GAS6: variants seen among roughly 807,000 people sequenced by gnomAD.
GAS6 encodes growth arrest specific 6, also known as growth arrest-specific protein 6.
A neutral mutation model predicts 75.8 loss-of-function variants in GAS6; 41 were observed. That is an observed-to-expected ratio of 0.54 (90% CI 0.42 to 0.70). The LOEUF is 0.70. Ranked by LOEUF, GAS6 falls within the 30% of genes least tolerant of loss-of-function variation. The pLI is 0.00. For missense variants in GAS6, 854 were observed against 940.2 expected (o/e 0.91, Z 1.20); for synonymous variants, 432 against 412.6 (o/e 1.05, Z -0.57).
In GAS6 at chr13:113,843,108, C is replaced by T. The variant is rs143235270; in HGVS notation, c.344-3258G>A. 178 of 356,634 alleles carry T rather than the reference C, an allele frequency of 5.0e-4. No individual in the cohort carries two copies. The East Asian group carries it at 6.6e-3, about 13-fold the overall frequency. The allele number at this position is 356,634 out of a possible 1,614,324, so 22.1% of individuals were successfully genotyped here. On this transcript the variant is annotated intron_variant, in intron 4 of 14. Coordinates refer to ENST00000327773, the MANE Select transcript of GAS6 (RefSeq NM_000820.4). ...AATTTCCTCCACACAACAGGGAAAG[C>T]GATGGAGACAGAAACCTCTGCAGGC...
chr13:113,862,020 G>A (rs2051975763), intron 2 of GAS6, among the ~76,000 whole-genome samples: 2 of 152,304 alleles, frequency 1.3e-5, no homozygotes, highest in Non-Finnish European at 2.9e-5. Context: ...TGACGCAACC[G>A]CAGTTGTATT....
At chr13:113,847,949 A>G (rs41303039) in intron 3 of GAS6, 77 bp downstream of exon 3, 14 of 1,298,940 alleles carry the variant, frequency 1.1e-5, no homozygotes, top group Non-Finnish European at 1.6e-5. Flanking sequence ...CGTGGTGAGG[A>G]GATTCCTCCA....
Position 113,863,584 on chromosome 13 carries a change from G to A in GAS6, c.246C>T (p.Asp82=). 6.6e-7 allele frequency: 1 copy of A among 1,515,274 alleles called. No individual in the cohort carries two copies. The highest frequency in any genetic ancestry group is 1.2e-5 in the South Asian group (1 of 81,922). 93.9% of individuals were successfully genotyped at this position (1,515,274 alleles called of 1,614,324 possible). The part of the protein sequence containing the change: ...REEAREVFEN[D]PETDYFYPRY... The stretch of plus-strand genomic sequence containing the variant: ...CCCGCCGGCTGCTCACCGTCTCGGG[G>A]TCGTTCTCGAACACCTCCCGCGCCT... Residue 82 remains aspartate (D), a synonymous_variant, in exon 2 of 15, where the codon GAC becomes GAT. Coordinates refer to ENST00000327773, the MANE Select transcript of GAS6 (RefSeq NM_000820.4). The surrounding 1 kb of genome is among the most constrained non-coding windows in gnomAD (Gnocchi z 9.4).
intron 8 of GAS6, 106 bp from the exon 9 acceptor site, chr13:113,832,858 CG>C (rs780455668): frequency 1.3e-6 from 2 of 1,562,652 alleles, no homozygotes; most frequent in South Asian, 2.3e-5. Flanking sequence ...TCCTGTGCCT[CG>C]GGAGTGGCCA....
In GAS6 at chr13:113,845,972, A is replaced by C. The variant is rs2051830688; in HGVS notation, c.343+555T>G. Reference sequence around the variant, plus strand: ...GACACTCAGACGTGTGGGAGGCAACAGGTGCATGAGGATGTCACGCCAGTT... The same window carrying C: ...GACACTCAGACGTGTGGGAGGCAACCGGTGCATGAGGATGTCACGCCAGTT... On this transcript the variant is annotated intron_variant, in intron 4 of 14. Coordinates refer to ENST00000327773, the MANE Select transcript of GAS6 (RefSeq NM_000820.4). The surrounding 1 kb of genome is among the most constrained non-coding windows in gnomAD (Gnocchi z 4.3). 1.3e-5 allele frequency among the ~76,000 whole-genome samples: 2 copies of C among 152,268 alleles called. No homozygotes were observed. The highest frequency in any genetic ancestry group is 6.5e-5 in the Admixed American group (1 of 15,290).
chr13:113,840,166 A>C, intron 4 of GAS6: 2 of 334,338 alleles, frequency 6.0e-6, no homozygotes, highest in Non-Finnish European at 1.1e-5. Flanking sequence ...GGGAGCTCAG[A>C]CCTCCCAGGG....
chr13:113,823,866 C>G (rs77970722), intron 12 of GAS6, among the ~76,000 whole-genome samples: 23,625 of 152,194 alleles, frequency 0.16, 3,563 homozygotes, highest in African/African-American at 0.4. Context: ...AGGCCTGTCC[C>G]TGCCTCCCTC....
At chr13:113,825,311 G>T (rs2051522487) in intron 12 of GAS6, among the ~76,000 whole-genome samples, 1 of 151,150 alleles carries the variant, frequency 6.6e-6, no homozygotes, top group South Asian at 2.1e-4. Context: ...GCTTCACAAG[G>T]GCACCGGCCT....
chr13:113,836,012 C>T lies in GAS6; in HGVS notation c.590-377G>A, dbSNP rs945806372. ...GGGGCATTTGAAACTAAAACCCCAA[C>T]CCCAAAGAGAAGCATTTACTGGTTT... On this transcript the variant is annotated intron_variant, in intron 6 of 14. Transcript: ENST00000327773. 1.4e-5 allele frequency: 14 copies of T among 1,031,180 alleles called. No homozygotes were observed. The South Asian group carries it at 6.2e-4, about 46-fold the overall frequency. 63.9% of individuals were successfully genotyped at this position (1,031,180 alleles called of 1,614,324 possible).
chr13:113,833,631 C>T (rs2051657938), intron 8 of GAS6: 5 of 1,008,836 alleles, frequency 5.0e-6, no homozygotes, highest in Non-Finnish European at 5.9e-6. Context: ...GTCGGTGTGA[C>T]AGGCACCAGT....
intron 2 of GAS6, among the ~76,000 whole-genome samples, chr13:113,853,599 T>C (rs563946544): frequency 6.6e-6 from 1 of 152,336 alleles, no homozygotes; most frequent in South Asian, 2.1e-4. Flanking sequence ...GACAAGTGGG[T>C]GGAGACTGCT....
intron 10 of GAS6, among the ~76,000 whole-genome samples, chr13:113,829,277 T>C (rs370066337): frequency 3.9e-4 from 43 of 110,092 alleles, no homozygotes; most frequent in East Asian, 1.2e-3. Flanking sequence ...AGGGTCCCAA[T>C]CTCAGGGAGG....
intron 6 of GAS6, chr13:113,836,092 G>A: frequency 1.0e-6 from 1 of 976,646 alleles, no homozygotes; most frequent in Non-Finnish European, 1.2e-6. Context: ...AGCATCTAAT[G>A]TGGGACAGAT....
intron 4 of GAS6, chr13:113,841,802 ACGCCC>A (rs2051783968): frequency 2.1e-5 from 2 of 97,130 alleles, no homozygotes; most frequent in East Asian, 3.3e-4. Flanking sequence ...TTTCCTCCAT[ACGCCC>A]CACAGTTTCC....
chr13:113,852,574 G>A (rs1463145418), intron 2 of GAS6, among the ~76,000 whole-genome samples: 3 of 152,188 alleles, frequency 2.0e-5, no homozygotes, highest in African/African-American at 4.8e-5. Context: ...CCTGGCATCC[G>A]CCTCTGCTGC....
At chr13:113,861,465 G>T (rs9577917) in intron 2 of GAS6, among the ~76,000 whole-genome samples, 14,541 of 152,236 alleles carry the variant, frequency 0.096, 920 homozygotes, top group East Asian at 0.17. Context: ...TCAATCAGCC[G>T]CACTGCACAA....
At position 113,852,903 on chromosome 13, in the gene GAS6, G is replaced by A. The variant is rs927669149; in HGVS notation, c.256-4853C>T. 9.8e-5 allele frequency among the ~76,000 whole-genome samples: 15 copies of A among 152,318 alleles called. No individual in the cohort carries two copies. The East Asian group carries it at 2.9e-3, about 29-fold the overall frequency. On this transcript the variant is annotated intron_variant, in intron 2 of 14. Transcript: ENST00000327773. ...GACAGGCTTCCTCACCCAGAGCTGT[G>A]GTTCAGAACAAGGTGGGGTGACCTC...
At chr13:113,833,795 G>A (rs1185405447) in intron 8 of GAS6, 1 of 1,023,160 alleles carries the variant, frequency 9.8e-7, no homozygotes, top group East Asian at 1.1e-4. Context: ...AAGTCAGTGT[G>A]ACAGGCAGTG....
chr13:113,852,283 T>C (rs1185912244), intron 2 of GAS6, among the ~76,000 whole-genome samples: 1 of 152,228 alleles, frequency 6.6e-6, no homozygotes, highest in Non-Finnish European at 1.5e-5. Context: ...AGCCAAAAGA[T>C]TGGACGTCCC....
Sources: allele counts gnomAD v4.1 joint callset (sites outside exome capture counted in the v4.1 genomes callset), GRCh38; gene constraint gnomAD v4.1.1; non-coding constraint Gnocchi (gnomAD v3.1); transcripts MANE v1.5; gene names NCBI Gene and HGNC (gene_info 2026-07-23, HGNC 2026-07-21).